The following FBXO41 variants were observed in gnomAD, a reference collection of about 807,000 sequenced individuals.
FBXO41 encodes the protein F-box protein 41, also known as F-box only protein 41.
A neutral mutation model predicts 81.6 loss-of-function variants in FBXO41; 33 were observed. That is an observed-to-expected ratio of 0.40 (90% CI 0.31 to 0.54). FBXO41 has a LOEUF of 0.54. Ranked by LOEUF, FBXO41 falls within the 20% of genes least tolerant of loss-of-function variation. The pLI is 0.39. For missense variants in FBXO41, 1,107 were observed against 1,236.0 expected, an observed-to-expected ratio of 0.90 and a Z score of 1.56; for synonymous variants, 576 against 552.7, an observed-to-expected ratio of 1.04 and a Z score of -0.59.
At position 73,269,641 on chromosome 2, in the gene FBXO41, C is replaced by T. The variant is rs1264411375; in HGVS notation, c.-11G>A. On this transcript the variant is annotated 5_prime_UTR_variant, in exon 2 of 13. Coordinates refer to ENST00000520530, the MANE Select transcript of FBXO41 (RefSeq NM_001371389.2). This position sits in a 1 kb window ranked among gnomAD's most constrained non-coding sequence, Gnocchi z 7.0. ...GTCCAGCGAGGCCATGGCCCCGCCGCCCCCGCGGCACGCGGGCTCCACCGC... is the reference window on the plus strand; with the variant it reads ...GTCCAGCGAGGCCATGGCCCCGCCGTCCCCGCGGCACGCGGGCTCCACCGC... 28 of 1,183,888 alleles carry T rather than the reference C, an allele frequency of 2.4e-5. No individual in the cohort carries two copies. The highest frequency in any genetic ancestry group is 2.8e-5 in the Non-Finnish European group (27 of 957,896). 73.3% of individuals were successfully genotyped at this position (1,183,888 alleles called of 1,614,324 possible).
Position 73,258,426 on chromosome 2 carries a change from G to T in FBXO41, c.*556C>A, listed in dbSNP as rs1687893722. On this transcript the variant is annotated 3_prime_UTR_variant, in exon 13 of 13. Coordinates refer to ENST00000520530, the MANE Select transcript of FBXO41 (RefSeq NM_001371389.2). Reference sequence around the variant, plus strand: ...AGCTTTTGGCTGACCACGTGCCCAGGCCCCTAGGTCTGGCTGTGGTACCCC... The same window carrying T: ...AGCTTTTGGCTGACCACGTGCCCAGTCCCCTAGGTCTGGCTGTGGTACCCC... 6.6e-6 allele frequency: 1 copy of T among 152,402 alleles called. No homozygotes were observed. Among genetic ancestry groups the T allele is most frequent in the African/African-American group, 2.4e-5 (1 of 41,422 alleles). The allele number at this position is 152,402 out of a possible 1,614,324, so 9.4% of individuals were successfully genotyped here.
At position 73,256,779 on chromosome 2, in the gene FBXO41, C is replaced by A. The variant is rs1474859068; in HGVS notation, c.*2203G>T. On this transcript the variant is annotated 3_prime_UTR_variant, in exon 13 of 13. Coordinates refer to ENST00000520530, the MANE Select transcript of FBXO41 (RefSeq NM_001371389.2). ...CCTTTCAGCACCACCTTTCTCCCACCCTAGCTCACTACCCATACACCCCAA... is the reference window on the plus strand; with the variant it reads ...CCTTTCAGCACCACCTTTCTCCCACACTAGCTCACTACCCATACACCCCAA... The A allele has an allele frequency of 6.6e-6, 1 of 152,574 alleles. No individual in the cohort carries two copies. The highest frequency in any genetic ancestry group is 6.5e-5 in the Admixed American group (1 of 15,292). 9.5% of individuals were successfully genotyped at this position (152,574 alleles called of 1,614,324 possible). A position where few individuals can be genotyped will look rare whatever the true frequency, so the allele number is the denominator to read the frequency against.
Position 73,265,401 on chromosome 2 carries a change from T to A in FBXO41, c.1445A>T (p.Glu482Val), listed in dbSNP as rs1234993779. 4 of 1,610,666 alleles carry A rather than the reference T, an allele frequency of 2.5e-6. No individual in the cohort carries two copies. Among genetic ancestry groups the A allele is most frequent in the Non-Finnish European group, 3.4e-6 (4 of 1,179,710 alleles). The change falls in exon 5 of 13, where the codon GAA (glutamate) becomes GTA (valine). Residue 482 changes from glutamate (E) to valine (V), a missense_variant. Coordinates refer to ENST00000520530, the MANE Select transcript of FBXO41 (RefSeq NM_001371389.2). Reference protein sequence around the residue: ...RRPRRHSTEGEEGDVSDVGSR... With the variant: ...RRPRRHSTEGVEGDVSDVGSR... ...GCCAACGTCGGAGACATCACCCTCT[T>A]CCCCCTCAGTGCTGTGTCGGCGGGG...
At chr2:73,272,726 C>A (rs1014444426) in intron 1 of FBXO41, among the ~76,000 whole-genome samples, 2 of 152,272 alleles carry the variant, frequency 1.3e-5, no homozygotes, top group Non-Finnish European at 2.9e-5. Flanking sequence ...TAAGAGATAA[C>A]CCCTCCCTCC....
In FBXO41 at chr2:73,263,844, A is replaced by G; in HGVS notation, c.1923-14T>C. On this transcript the variant is annotated splice_polypyrimidine_tract_variant and intron_variant, in intron 7 of 12. Coordinates refer to ENST00000520530, the MANE Select transcript of FBXO41 (RefSeq NM_001371389.2). ...TCCAGGCAGCCCCTGGGGATGACCA[A>G]GAGGTCAGAGAGCTGGCAACCTCCT... 6.2e-7 allele frequency: 1 copy of G among 1,614,026 alleles called. No individual in the cohort carries two copies. Among genetic ancestry groups the G allele is most frequent in the Non-Finnish European group, 8.5e-7 (1 of 1,179,876 alleles).
intron 1 of FBXO41, among the ~76,000 whole-genome samples, chr2:73,281,232 G>A (rs1688838935): frequency 6.6e-6 from 1 of 152,228 alleles, no homozygotes; most frequent in Non-Finnish European, 1.5e-5. Flanking sequence ...TCAAAACAGT[G>A]AATACTTATC....
rs1377204956 is a variant in FBXO41, at chr2:73,255,297, A to C, written c.*3685T>G. The C allele has an allele frequency of 6.5e-6, 1 of 152,728 alleles. No individual in the cohort carries two copies. The highest frequency in any genetic ancestry group is 1.5e-5 in the Non-Finnish European group (1 of 68,092). The allele number at this position is 152,728 out of a possible 1,614,324, so 9.5% of individuals were successfully genotyped here. ...GGTTTGGGGAGGGAGTCGTTGCCTT[A>C]GCTGGCCCTGGTATTCTGATCTTTA... On this transcript the variant is annotated 3_prime_UTR_variant, in exon 13 of 13. Coordinates refer to ENST00000520530, the MANE Select transcript of FBXO41 (RefSeq NM_001371389.2).
In FBXO41 at chr2:73,268,869, C is replaced by T. The variant is rs1688378057; in HGVS notation, c.762G>A (p.Glu254=). ...CCTTCTCGCGCCCGAGCCTCGCACT[C>T]TCCTGCCGCGCAGTCTCCAGTTCGG... ...KAAELETARQ[E]SARLGREKEE... is the part of the protein sequence containing the mutation. Residue 254 remains glutamate (E), a synonymous_variant, in exon 2 of 13, where the codon GAG becomes GAA. Coordinates refer to ENST00000520530, the MANE Select transcript of FBXO41 (RefSeq NM_001371389.2). 6.4e-7 allele frequency: 1 copy of T among 1,563,422 alleles called. No individual in the cohort carries two copies. The highest frequency in any genetic ancestry group is 8.6e-7 in the Non-Finnish European group (1 of 1,156,314).
rs202034915 is a variant in FBXO41, at chr2:73,265,519, G to C, written c.1327C>G (p.Arg443Gly). 1 of 1,594,972 alleles carries C rather than the reference G, an allele frequency of 6.3e-7. No homozygotes were observed. The highest frequency in any genetic ancestry group is 1.1e-5 in the South Asian group (1 of 88,932). ...GAGCCCCCGTTGGCAGCCTGGGCCC[G>C]TGTGCCCAAGCCCCCAGGGCCACTG... is the stretch of plus-strand genomic sequence containing the variant. ...EDSGPGGLGTRAQAANGGSER... is the reference protein window; with the variant it reads ...EDSGPGGLGTGAQAANGGSER... The change falls in exon 5 of 13, where the codon CGG becomes GGG. Residue 443 changes from arginine to glycine, a missense_variant. Around this residue, in one of 2 missense-constraint regions of FBXO41, gnomAD observed 771 missense variants for 789.2 expected, o/e 0.98. Transcript: ENST00000520530.
Position 73,260,811 on chromosome 2 carries a change from C to T in FBXO41, c.2219G>A (p.Arg740His), listed in dbSNP as rs1284947810. Residue 740 changes from arginine to histidine, a missense_variant, in exon 10 of 13, where the codon CGC becomes CAC. Around this residue, in one of 2 missense-constraint regions of FBXO41, gnomAD observed 336 missense variants for 446.7 expected, o/e 0.75. Transcript: ENST00000520530. This position sits in a 1 kb window ranked among gnomAD's most constrained non-coding sequence, Gnocchi z 5.0. ...CAGGGCCCGCAGGTGGGGCCAACAG[C>T]GACCAATCATCTGCAGGCAGCGGTT... is the stretch of plus-strand genomic sequence containing the variant. ...FSNRCLQMIG[R>H]CWPHLRALGV... is the part of the protein sequence containing the mutation. 8 of 1,569,900 alleles carry T rather than the reference C, an allele frequency of 5.1e-6. No individual in the cohort carries two copies. In the Admixed American group the frequency reaches 5.6e-5, roughly 11 times the overall value.
At chr2:73,263,467 A>AAAAG (rs200534315) in intron 8 of FBXO41, among the ~76,000 whole-genome samples, 159 bp from the exon 9 acceptor site, 1 of 152,130 alleles carries the variant, frequency 6.6e-6, no homozygotes, top group Non-Finnish European at 1.5e-5. Context: ...TAAAAAAAAA[A>AAAAG]AAAGAAAGAA....
chr2:73,267,310 C>A (rs1006694531), intron 2 of FBXO41, among the ~76,000 whole-genome samples: 2 of 152,166 alleles, frequency 1.3e-5, no homozygotes, highest in Non-Finnish European at 2.9e-5. Context: ...GTACCACCGA[C>A]ACAGTCAAAC....
At position 73,266,836 on chromosome 2, in the gene FBXO41, C is replaced by T. The variant is rs1354082286; in HGVS notation, c.906-154G>A. 1.8e-5 allele frequency: 22 copies of T among 1,201,274 alleles called. No homozygotes were observed. Among genetic ancestry groups the T allele is most frequent in the Admixed American group, 4.0e-5 (1 of 25,140 alleles). The allele number at this position is 1,201,274 out of a possible 1,614,324, so 74.4% of individuals were successfully genotyped here. A position where few individuals can be genotyped will look rare whatever the true frequency, so the allele number is the denominator to read the frequency against. ...GTTCCTGCAGAACAGGCCTAGCACA[C>T]AGCCCCGCACGATGACACATACAGA... On this transcript the variant is annotated intron_variant, in intron 2 of 12. Transcript: ENST00000520530. This position sits in a 1 kb window ranked among gnomAD's most constrained non-coding sequence, Gnocchi z 5.3.
At chr2:73,275,296 C>T (rs1173659085) in intron 1 of FBXO41, among the ~76,000 whole-genome samples, 1 of 152,158 alleles carries the variant, frequency 6.6e-6, no homozygotes, top group Non-Finnish European at 1.5e-5. Context: ...GATTCTCCTG[C>T]CTCAGCCTCC....
At position 73,259,262 on chromosome 2, in the gene FBXO41, C is replaced by A; in HGVS notation, c.2484G>T (p.Gln828His). The A allele has an allele frequency of 6.2e-7, 1 of 1,614,064 alleles. No homozygotes were observed. ...ICRNLKSIVV[Q>H]IGIADYFKEP... ...CTTTGAAATAATCCGCAATCCCAATCTGGACCACAATGGACTTGAGGTTCC... is the reference window on the plus strand; with the variant it reads ...CTTTGAAATAATCCGCAATCCCAATATGGACCACAATGGACTTGAGGTTCC... The change falls in exon 12 of 13, where the codon CAG becomes CAT. Residue 828 changes from glutamine (Q) to histidine (H), a missense_variant. By Grantham distance (24) the Gln-to-His change is conservative. Around this residue, in one of 2 missense-constraint regions of FBXO41, gnomAD observed 336 missense variants for 446.7 expected, o/e 0.75. Coordinates refer to ENST00000520530, the MANE Select transcript of FBXO41 (RefSeq NM_001371389.2). This position sits in a 1 kb window ranked among gnomAD's most constrained non-coding sequence, Gnocchi z 4.2.
At position 73,266,372 on chromosome 2, in the gene FBXO41, T is replaced by C; in HGVS notation, c.1131+85A>G. 3 of 1,385,390 alleles carry C rather than the reference T, an allele frequency of 2.2e-6. No individual in the cohort carries two copies. The highest frequency in any genetic ancestry group is 2.9e-6 in the Non-Finnish European group (3 of 1,045,222). The allele number at this position is 1,385,390 out of a possible 1,614,324, so 85.8% of individuals were successfully genotyped here. A position where few individuals can be genotyped will look rare whatever the true frequency, so the allele number is the denominator to read the frequency against. The stretch of plus-strand genomic sequence containing the variant: ...CAAAGAAGGGGCGAATGCGGCATCA[T>C]GGGGGAGATGTCCAGCCATGTGAAA... On this transcript the variant is annotated intron_variant, in intron 3 of 12. Transcript: ENST00000520530. The surrounding 1 kb of genome is among the most constrained non-coding windows in gnomAD (Gnocchi z 5.3).
At chr2:73,271,629 C>CA (rs1553384759) in intron 1 of FBXO41, 1 of 147,486 alleles carries the variant, frequency 6.8e-6, no homozygotes, top group African/African-American at 2.5e-5. Flanking sequence ...GCACTCCCCC[C>CA]CCCCCAACTT....
At position 73,268,904 on chromosome 2, in the gene FBXO41, G is replaced by C; in HGVS notation, c.727C>G (p.Arg243Gly). The C allele has an allele frequency of 1.9e-6, 3 of 1,546,636 alleles. No individual in the cohort carries two copies. Among genetic ancestry groups the C allele is most frequent in the Non-Finnish European group, 2.6e-6 (3 of 1,148,656 alleles). ...QVGRLQAELE[R>G]KAAELETARQ... is the part of the protein sequence containing the mutation. ...GCAGTCTCCAGTTCGGCCGCCTTGC[G>C]CTCCAGCTCGGCCTGCAGCCGGCCC... Residue 243 changes from arginine (R) to glycine (G), a missense_variant, in exon 2 of 13, where the codon CGC becomes GGC. Transcript: ENST00000520530.
chr2:73,275,026 A>G (rs1466571986), intron 1 of FBXO41, among the ~76,000 whole-genome samples: 1 of 151,832 alleles, frequency 6.6e-6, no homozygotes, highest in Non-Finnish European at 1.5e-5. Flanking sequence ...AGTAGCTGGG[A>G]CTACAGGCGC....
Sources: gnomAD v4.1 joint callset for allele counts (sites outside exome capture counted in the v4.1 genomes callset) on GRCh38, gnomAD v4.1.1 for gene constraint, gnomAD v4.1.1 regional missense constraint, Gnocchi (gnomAD v3.1) non-coding constraint, MANE v1.5 for transcripts, NCBI Gene and HGNC (gene_info 2026-07-23, HGNC 2026-07-21) for gene names.